Variants in CHIA observed in about 807,000 individuals in gnomAD.
CHIA encodes the protein chitinase acidic.
CHIA carries 47 observed loss-of-function variants against 53.5 expected under a neutral mutation model. The observed-to-expected ratio is 0.88, with a 90% CI of 0.70 to 1.12. The LOEUF (loss-of-function observed/expected upper bound fraction) is 1.12. Ranked by LOEUF, CHIA falls within the 50% of genes most tolerant of loss-of-function variation. The probability of loss-of-function intolerance (pLI) is 0.00; values close to 1 mark genes in which losing one functional copy is unlikely to be tolerated. For synonymous variants in CHIA, 268 were observed against 222.2 expected (o/e 1.21, Z -1.83); for missense variants, 652 against 592.2 (o/e 1.10, Z -1.05).
At chr1:111,298,559 A>G (rs189365960) in intron 1 of CHIA, among the ~76,000 whole-genome samples, 71 of 152,366 alleles carry the variant, frequency 4.7e-4, no homozygotes, top group Admixed American at 1.0e-3. Context: ...GAACAGAGAC[A>G]CAACGTGCCA....
chr1:111,311,994 T>C (rs1465881867), intron 3 of CHIA, among the ~76,000 whole-genome samples, 196 bp from the exon 4 acceptor site: 1 of 152,078 alleles, frequency 6.6e-6, no homozygotes, highest in Admixed American at 6.6e-5. Context: ...AAGTTAAAAA[T>C]AAACAACTCC....
In CHIA at chr1:111,318,602, G is replaced by A. The variant is rs779244540; in HGVS notation, c.839G>A (p.Gly280Glu). The A allele has an allele frequency of 1.2e-6, 2 of 1,614,070 alleles. No individual in the cohort carries two copies. The highest frequency in any genetic ancestry group is 2.7e-5 in the African/African-American group (2 of 74,918). The change falls in exon 9 of 12, where the codon GGA becomes GAA. Residue 280 changes from glycine (G) to glutamate (E), a missense_variant. Gly to Glu is a moderately conservative substitution (Grantham distance 98, BLOSUM62 -2). Transcript: ENST00000369740. The stretch of plus-strand genomic sequence containing the variant: ...ATCCTGAGCAACCCCTCCAACACTG[G>A]AATTGGTGCCCCCACCTCTGGTGCT... ...NFILSNPSNTGIGAPTSGAGP... is the reference protein window; with the variant it reads ...NFILSNPSNTEIGAPTSGAGP...
chr1:111,313,562 T>C (rs1258671408), intron 4 of CHIA, among the ~76,000 whole-genome samples: 2 of 152,334 alleles, frequency 1.3e-5, no homozygotes, highest in East Asian at 1.9e-4. Context: ...AACTCCTTAC[T>C]TGACATATGG....
intron 1 of CHIA, among the ~76,000 whole-genome samples, chr1:111,302,325 G>A (rs1355502922): frequency 6.6e-6 from 1 of 151,648 alleles, no homozygotes; most frequent in Non-Finnish European, 1.5e-5. Flanking sequence ...TCTTTTTCTA[G>A]CTCCTTAGGT....
chr1:111,301,707 A>G (rs1301039198), intron 1 of CHIA, among the ~76,000 whole-genome samples: 1 of 63,720 alleles, frequency 1.6e-5, no homozygotes, highest in African/African-American at 4.9e-5. Flanking sequence ...TCTCTCTCCA[A>G]AAAAAAAAAA....
intron 1 of CHIA, among the ~76,000 whole-genome samples, chr1:111,297,663 T>C (rs1476865597): frequency 6.6e-6 from 1 of 152,020 alleles, no homozygotes; most frequent in African/African-American, 2.4e-5. Flanking sequence ...AGAAACTGCA[T>C]CAATTAACGG....
At chr1:111,317,846 C>T (rs1381993033) in intron 7 of CHIA, 41 bp downstream of exon 7, 1 of 1,613,312 alleles carries the variant, frequency 6.2e-7, no homozygotes, top group South Asian at 1.1e-5. Flanking sequence ...GGAGGTGTCA[C>T]TCGGGCACAC....
In CHIA at chr1:111,318,425, G is replaced by C. The variant is rs1173325660; in HGVS notation, c.730-68G>C. 31 of 1,301,184 alleles carry C rather than the reference G, an allele frequency of 2.4e-5. No individual in the cohort carries two copies. In the Admixed American group the frequency reaches 6.0e-4, roughly 25 times the overall value. The allele number at this position is 1,301,184 out of a possible 1,614,324, so 80.6% of individuals were successfully genotyped here. ...ATAGAGTTTTACCTGTCGGAATAGG[G>C]GACTAATATAACTAAGTACTGGGTC... On this transcript the variant is annotated intron_variant, in intron 8 of 11. Transcript: ENST00000369740.
intron 1 of CHIA, among the ~76,000 whole-genome samples, chr1:111,293,726 C>T (rs1661168109): frequency 6.6e-6 from 1 of 152,146 alleles, no homozygotes; most frequent in Admixed American, 6.5e-5. Flanking sequence ...TTACATCTTA[C>T]ATTTAGGCCA....
intron 1 of CHIA, among the ~76,000 whole-genome samples, chr1:111,301,843 A>G (rs1647770795): frequency 6.6e-6 from 1 of 152,142 alleles, no homozygotes; most frequent in Non-Finnish European, 1.5e-5. Context: ...TCATAGGTGT[A>G]AATTGAACAA....
chr1:111,301,356 TA>T (rs1647711038), intron 1 of CHIA, among the ~76,000 whole-genome samples: 1 of 151,968 alleles, frequency 6.6e-6, no homozygotes, highest in South Asian at 2.1e-4. Flanking sequence ...ATAGACTGAA[TA>T]AAGAAAATAT....
chr1:111,293,040 G>GA (rs59798124), intron 1 of CHIA, among the ~76,000 whole-genome samples: 47,024 of 151,996 alleles, frequency 0.31, 7,887 homozygotes, highest in African/African-American at 0.44. Flanking sequence ...ATGTTACTGT[G>GA]AACATGGAAG....
At chr1:111,295,692 A>G (rs1244780233) in intron 1 of CHIA, among the ~76,000 whole-genome samples, 2 of 151,432 alleles carry the variant, frequency 1.3e-5, no homozygotes, top group African/African-American at 2.4e-5. Flanking sequence ...TACCGGGTTC[A>G]TCTCATTGGG....
At chr1:111,293,834 C>A (rs971360072) in intron 1 of CHIA, among the ~76,000 whole-genome samples, 1 of 152,168 alleles carries the variant, frequency 6.6e-6, no homozygotes, top group African/African-American at 2.4e-5. Context: ...AACTCCAGTG[C>A]TTTGAGAGGC....
In CHIA at chr1:111,319,209, C is replaced by G; in HGVS notation, c.1005C>G (p.Gly335=). ...PYAYQGNVWV[G]YDNIKSFDIK... ...CCTATCAGGGCAATGTGTGGGTTGG[C>G]TATGACAACATCAAGAGCTTCGATA... Residue 335 remains glycine (G), a synonymous_variant, in exon 10 of 12, where the codon GGC becomes GGG. Coordinates refer to ENST00000369740, the MANE Select transcript of CHIA (RefSeq NM_201653.4). 1 of 1,614,210 alleles carries G rather than the reference C, an allele frequency of 6.2e-7. No individual in the cohort carries two copies. The highest frequency in any genetic ancestry group is 2.2e-5 in the East Asian group (1 of 44,884).
intron 1 of CHIA, among the ~76,000 whole-genome samples, chr1:111,305,959 G>T (rs1428418488): frequency 1.3e-5 from 2 of 152,078 alleles, no homozygotes; most frequent in African/African-American, 4.8e-5. Flanking sequence ...ATAAATAGAA[G>T]ATGCAGTTTA....
intron 4 of CHIA, among the ~76,000 whole-genome samples, chr1:111,312,619 C>A (rs1021402734): frequency 1.3e-5 from 2 of 152,132 alleles, no homozygotes; most frequent in African/African-American, 4.8e-5. Flanking sequence ...TCAACATATG[C>A]ATTTCCACAA....
intron 1 of CHIA, among the ~76,000 whole-genome samples, chr1:111,309,610 G>T (rs939040083): frequency 6.6e-6 from 1 of 152,202 alleles, no homozygotes; most frequent in Non-Finnish European, 1.5e-5. Flanking sequence ...GACATGCAAG[G>T]CATGTTTGAG....
chr1:111,309,647 G>A (rs186353795), intron 1 of CHIA, among the ~76,000 whole-genome samples: 1 of 152,348 alleles, frequency 6.6e-6, no homozygotes, highest in East Asian at 1.9e-4. Context: ...TTGGCCAAAA[G>A]AGAAATGTAT....
Sources: gnomAD v4.1 joint callset for allele counts (sites outside exome capture counted in the v4.1 genomes callset) on GRCh38, gnomAD v4.1.1 for gene constraint, MANE v1.5 for transcripts, NCBI Gene and HGNC (gene_info 2026-07-23, HGNC 2026-07-21) for gene names.